The following ZNF578 variants were observed in gnomAD, a reference collection of about 807,000 sequenced individuals.
ZNF578 encodes the protein zinc finger protein 578, also known as Putative chemokine-related protein B42.
A neutral mutation model predicts 8.3 loss-of-function variants in ZNF578; 8 were observed. The observed-to-expected ratio is 0.96, with a 90% CI of 0.56 to 1.74. ZNF578 has a LOEUF of 1.74. Among genes scored for constraint, ZNF578 ranks in the 40% most tolerant of loss-of-function variants. The pLI, the probability that ZNF578 is intolerant of heterozygous loss-of-function variation, is 0.00. For synonymous variants in ZNF578, 206 were observed against 232.2 expected (o/e 0.89, Z 1.03); for missense variants, 726 against 707.5 (o/e 1.03, Z -0.30).
At chr19:52,480,138 C>A (rs533368244) in intron 2 of ZNF578, among the ~76,000 whole-genome samples, 1 of 152,216 alleles carries the variant, frequency 6.6e-6, no homozygotes, top group South Asian at 2.1e-4. Context: ...CTTGATCTGA[C>A]CTCGTGATCC....
At chr19:52,472,734 ATCATAG>A (rs1407020893) in intron 2 of ZNF578, among the ~76,000 whole-genome samples, 2 of 152,234 alleles carry the variant, frequency 1.3e-5, no homozygotes, top group Non-Finnish European at 2.9e-5. Context: ...AATGACTGGC[ATCATAG>A]TTTTACATTA....
rs764462460 is a variant in ZNF578 at position 52,510,708 on chromosome 19, T to C, written c.327T>C (p.Asp109=). The change falls in exon 6 of 6, where the codon GAT becomes GAC. Residue 109 remains aspartate (D), a synonymous_variant. Coordinates refer to ENST00000421239, the MANE Select transcript of ZNF578 (RefSeq NM_001099694.2). Reference sequence around the variant, plus strand: ...TTTGCTTCCAGGAAATTGAAAAAGATATTCATGACTTTGAGTTTCAGTCAC... The same window carrying C: ...TTTGCTTCCAGGAAATTGAAAAAGACATTCATGACTTTGAGTTTCAGTCAC... The part of the protein sequence containing the change: ...GDFCFQEIEK[D]IHDFEFQSQK... The C allele has an allele frequency of 2.7e-5, 44 of 1,612,512 alleles. No individual in the cohort carries two copies. The highest frequency in any genetic ancestry group is 3.5e-5 in the Non-Finnish European group (41 of 1,179,644).
intron 3 of ZNF578, among the ~76,000 whole-genome samples, chr19:52,499,245 A>G (rs73583038): frequency 0.19 from 29,040 of 152,138 alleles, 2,983 homozygotes; most frequent in Non-Finnish European, 0.23. Flanking sequence ...GGAGAGGATA[A>G]TGGTCATTTT....
intron 3 of ZNF578, among the ~76,000 whole-genome samples, chr19:52,495,148 A>G (rs1955744922): frequency 6.9e-6 from 1 of 144,072 alleles, no homozygotes; most frequent in African/African-American, 2.5e-5. Flanking sequence ...CGCCCAGCCT[A>G]CATACTAATT....
chr19:52,482,221 C>T (rs113822069), intron 2 of ZNF578, among the ~76,000 whole-genome samples: 44 of 152,060 alleles, frequency 2.9e-4, no homozygotes, highest in African/African-American at 7.7e-4. Context: ...TTAGTAGAGA[C>T]GGGGTTTCTT....
At position 52,498,701 on chromosome 19, in the gene ZNF578, T is replaced by TTTTTTTTTTTG. The variant is rs1436867631; in HGVS notation, c.-19-3126_-19-3125insTTTTTTTTTTG. On this transcript the variant is annotated intron_variant, in intron 3 of 5. Coordinates refer to ENST00000421239, the MANE Select transcript of ZNF578 (RefSeq NM_001099694.2). ...CCTGGCCGCTTTTTTTTTTTTTTTTTGTAAGACAGAGTGTCACCCTATCAC... is the reference window on the plus strand; with the variant it reads ...CCTGGCCGCTTTTTTTTTTTTTTTTTTTTTTTTTTTGGTAAGACAGAGTGTCACCCTATCAC... Among the ~76,000 whole-genome samples, 57 of 134,664 alleles carry TTTTTTTTTTTG rather than the reference T, an allele frequency of 4.2e-4. 2 individuals carry two copies. The highest frequency in any genetic ancestry group is 1.6e-3 in the African/African-American group (55 of 35,474). The allele number at this position is 134,664 out of a possible 152,430, so 88.3% of individuals were successfully genotyped here. A position where few individuals can be genotyped will look rare whatever the true frequency, so the allele number is the denominator to read the frequency against.
At chr19:52,508,898 T>TC (rs2059434723) in intron 5 of ZNF578, among the ~76,000 whole-genome samples, 1 of 130,382 alleles carries the variant, frequency 7.7e-6, no homozygotes, top group Non-Finnish European at 1.6e-5. Flanking sequence ...AGTCAATTTT[T>TC]TTTTTTTTTT....
intron 2 of ZNF578, chr19:52,474,718 A>G (rs1317482363): frequency 4.4e-6 from 1 of 229,592 alleles, no homozygotes; most frequent in Non-Finnish European, 9.2e-6. Context: ...AAATTTTTTT[A>G]CATTTGTAAG....
intron 2 of ZNF578, among the ~76,000 whole-genome samples, chr19:52,488,770 T>A (rs2059354907): frequency 6.6e-6 from 1 of 150,956 alleles, no homozygotes; most frequent in Non-Finnish European, 1.5e-5. Context: ...GGTAACAGAT[T>A]TAGACGCCGT....
rs35676968 is a variant in ZNF578, at chr19:52,506,462, CTTTTT to C, written c.190+1700_190+1704del. On this transcript the variant is annotated intron_variant, in intron 5 of 5. Transcript: ENST00000421239. ...CACATCTCTATTAAAAGTACAGTTT[CTTTTT>C]TTTTTTTTTTTTTTTTTTAAGATGG... Among the ~76,000 whole-genome samples the C allele has an allele frequency of 3.9e-4, 43 of 109,158 alleles. No individual in the cohort carries two copies. The East Asian group carries it at 4.7e-3, about 12-fold the overall frequency. The allele number at this position is 109,158 out of a possible 152,430, so 71.6% of individuals were successfully genotyped here. A position where few individuals can be genotyped will look rare whatever the true frequency, so the allele number is the denominator to read the frequency against.
chr19:52,469,351 G>A lies in ZNF578; in HGVS notation c.-122+12393G>A, dbSNP rs951002066. Among the ~76,000 whole-genome samples the A allele has an allele frequency of 5.3e-5, 8 of 151,832 alleles. No individual in the cohort carries two copies. The South Asian group carries it at 1.7e-3, about 32-fold the overall frequency. On this transcript the variant is annotated intron_variant, in intron 2 of 5. Transcript: ENST00000421239. ...AATTTTTGCATTTTTTGTATGATGT[G>A]GTTTTGCCATGCTTCCCAGGCTGAT...
At chr19:52,490,980 T>C (rs1430418916) in intron 2 of ZNF578, among the ~76,000 whole-genome samples, 1 of 152,204 alleles carries the variant, frequency 6.6e-6, no homozygotes, top group Non-Finnish European at 1.5e-5. Flanking sequence ...ATGAAGAATA[T>C]ATACTTTTCT....
intron 3 of ZNF578, among the ~76,000 whole-genome samples, chr19:52,495,537 GGAGA>G (rs1004209661): frequency 6.6e-6 from 1 of 151,426 alleles, no homozygotes; most frequent in Non-Finnish European, 1.5e-5. Flanking sequence ...AGAAACAGAT[GGAGA>G]GAGAAAGTGA....
intron 3 of ZNF578, among the ~76,000 whole-genome samples, chr19:52,491,657 G>C (rs1465857383): frequency 1.3e-5 from 2 of 152,104 alleles, no homozygotes; most frequent in Non-Finnish European, 2.9e-5. Flanking sequence ...AGAGGCTGCA[G>C]TGAGCCACGA....
chr19:52,500,934 A>C (rs550091469), intron 3 of ZNF578, among the ~76,000 whole-genome samples: 1 of 143,402 alleles, frequency 7.0e-6, no homozygotes, highest in South Asian at 2.2e-4. Context: ...GCTGGAGTGC[A>C]GTGGTGGGAT....
intron 1 of ZNF578, chr19:52,453,870 TCATGTAAAAGCCCTCACC>T (rs1304716756): frequency 6.6e-6 from 1 of 152,120 alleles, no homozygotes; most frequent in African/African-American, 2.4e-5. Flanking sequence ...CGGTCCCGCG[TCATGTAAAAGCCCTCACC>T]CATGAGGTGT....
intron 2 of ZNF578, among the ~76,000 whole-genome samples, chr19:52,459,054 G>A (rs2059248124): frequency 6.6e-6 from 1 of 152,168 alleles, no homozygotes; most frequent in African/African-American, 2.4e-5. Context: ...TTCCTAGTCA[G>A]AGAGGTCTTT....
chr19:52,466,734 G>A (rs2059276428), intron 2 of ZNF578, among the ~76,000 whole-genome samples: 1 of 151,260 alleles, frequency 6.6e-6, no homozygotes, highest in Admixed American at 6.6e-5. Context: ...GCATGGATGA[G>A]CAAGCCCATG....
Position 52,511,330 on chromosome 19 carries a change from T to C in ZNF578, c.949T>C (p.Cys317Arg), listed in dbSNP as rs2059445235. The change falls in exon 6 of 6, where the codon TGT becomes CGT. Residue 317 changes from cysteine (C) to arginine (R), a missense_variant. Physicochemically the swap from Cys to Arg is radical, Grantham distance 180. Transcript: ENST00000421239. ...RCHTGEKPYKCNECGKSFSYK... is the reference protein window; with the variant it reads ...RCHTGEKPYKRNECGKSFSYK... Reference sequence around the variant, plus strand: ...TCACACTGGTGAGAAACCTTACAAGTGTAATGAATGTGGAAAGTCCTTCAG... The same window carrying C: ...TCACACTGGTGAGAAACCTTACAAGCGTAATGAATGTGGAAAGTCCTTCAG... 6.2e-7 allele frequency: 1 copy of C among 1,614,112 alleles called. No individual in the cohort carries two copies. Among genetic ancestry groups the C allele is most frequent in the Non-Finnish European group, 8.5e-7 (1 of 1,179,974 alleles).
Sources: gnomAD v4.1 joint callset for allele counts (sites outside exome capture counted in the v4.1 genomes callset) on GRCh38, gnomAD v4.1.1 for gene constraint, MANE v1.5 for transcripts, NCBI Gene and HGNC (gene_info 2026-07-23, HGNC 2026-07-21) for gene names.